FGD6: variants seen among roughly 807,000 people sequenced by gnomAD.
FGD6 encodes the protein FYVE, RhoGEF and PH domain containing 6.
FGD6 carries 90 observed loss-of-function variants against 149.4 expected under a neutral mutation model. The ratio of observed to expected loss-of-function variants is 0.60; its 90% confidence interval spans 0.51 to 0.72. The LOEUF is 0.72. Among genes scored for constraint, FGD6 ranks in the 30% least tolerant of loss-of-function variants. The probability of loss-of-function intolerance (pLI) is 0.00; values close to 1 mark genes in which losing one functional copy is unlikely to be tolerated. For missense variants in FGD6, 1,437 were observed against 1,684.8 expected (o/e 0.85, Z 2.57); for synonymous variants, 527 against 584.0 (o/e 0.90, Z 1.41).
At chr12:95,144,988 C>CTTTTTTTTT (rs34338776) in intron 5 of FGD6, among the ~76,000 whole-genome samples, 6 of 98,832 alleles carry the variant, frequency 6.1e-5, no homozygotes, top group African/African-American at 8.3e-5. Flanking sequence ...CGCACCCGGC[C>CTTTTTTTTT]TTTTTTTTTT....
At chr12:95,141,023 A>C (rs1201722433) in intron 6 of FGD6, among the ~76,000 whole-genome samples, 2 of 152,164 alleles carry the variant, frequency 1.3e-5, no homozygotes, top group African/African-American at 2.4e-5. Flanking sequence ...GGAGTTCGAG[A>C]CCAGCCTGGC....
chr12:95,093,013 G>A (rs999033677), intron 15 of FGD6, among the ~76,000 whole-genome samples, 168 bp from the exon 16 acceptor site: 1 of 152,102 alleles, frequency 6.6e-6, no homozygotes, highest in Non-Finnish European at 1.5e-5. Context: ...ATGAGGTACG[G>A]AGTTTGCGAC....
In FGD6 at chr12:95,217,270, C is replaced by T. The variant is rs1175316465; in HGVS notation, c.-30G>A. The T allele has an allele frequency of 6.2e-7, 1 of 1,601,378 alleles. No individual in the cohort carries two copies. Among genetic ancestry groups the T allele is most frequent in the African/African-American group, 1.3e-5 (1 of 74,496 alleles). ...CCCCGGTGCAGCTCGCTTCCCCGCT[C>T]GGCCCCTCAATCCATCTTCCCCTTT... On this transcript the variant is annotated 5_prime_UTR_variant, in exon 1 of 21. Coordinates refer to ENST00000343958, the MANE Select transcript of FGD6 (RefSeq NM_018351.4).
intron 2 of FGD6, chr12:95,189,777 C>G (rs1337883657): frequency 6.6e-6 from 1 of 152,032 alleles, no homozygotes; most frequent in African/African-American, 2.4e-5. Flanking sequence ...TCAAAAAAAC[C>G]TCCTAACCTA....
chr12:95,173,826 C>T (rs1881058683), intron 2 of FGD6, among the ~76,000 whole-genome samples: 3 of 152,086 alleles, frequency 2.0e-5, no homozygotes, highest in Admixed American at 1.3e-4. Flanking sequence ...CAGCAGGTCA[C>T]AGGCAGGTCA....
intron 3 of FGD6, among the ~76,000 whole-genome samples, chr12:95,171,325 G>C (rs961085240): frequency 1.3e-5 from 2 of 152,090 alleles, no homozygotes; most frequent in Non-Finnish European, 2.9e-5. Flanking sequence ...CGAAATTATG[G>C]CACATGAATT....
chr12:95,180,681 C>T (rs1188090372), intron 2 of FGD6, among the ~76,000 whole-genome samples: 1 of 152,030 alleles, frequency 6.6e-6, no homozygotes, highest in African/African-American at 2.4e-5. Flanking sequence ...TGAGCCACCA[C>T]TCCTGGCTGA....
rs772884200 is a variant in FGD6, at chr12:95,209,484, C to A, written c.1800G>T (p.Lys600Asn). The change falls in exon 2 of 21, where the codon AAG becomes AAT. Residue 600 changes from lysine (K) to asparagine (N), a missense_variant. Lys to Asn is a moderately conservative substitution (Grantham distance 94). Around this residue, in one of 2 missense-constraint regions of FGD6, gnomAD observed 1,055 missense variants for 1,146.0 expected, o/e 0.92. Coordinates refer to ENST00000343958, the MANE Select transcript of FGD6 (RefSeq NM_018351.4). ...SNSEPSTALT[K>N]PRAKSLSAMD... ...TAGCAGATAACGATTTTGCTCTGGG[C>A]TTGGTTAGGGCTGTTGAAGGCTCAC... 12 of 1,612,422 alleles carry A rather than the reference C, an allele frequency of 7.4e-6. No individual in the cohort carries two copies. Among genetic ancestry groups the A allele is most frequent in the Non-Finnish European group, 1.0e-5 (12 of 1,179,390 alleles).
At chr12:95,149,780 T>C (rs983278406) in intron 5 of FGD6, among the ~76,000 whole-genome samples, 4 of 144,438 alleles carry the variant, frequency 2.8e-5, no homozygotes, top group Non-Finnish European at 6.0e-5. Context: ...ATAGTATATA[T>C]AGTATATTAT....
Position 95,080,531 on chromosome 12 carries a change from A to G in FGD6, c.*989T>C, listed in dbSNP as rs1877640519. The G allele has an allele frequency of 6.6e-6, 1 of 152,056 alleles. No individual in the cohort carries two copies. The highest frequency in any genetic ancestry group is 6.6e-5 in the Admixed American group (1 of 15,256). 9.4% of individuals were successfully genotyped at this position (152,056 alleles called of 1,614,324 possible). Reference sequence around the variant, plus strand: ...GCAGAAAAAGACCTTTTGAAAATGAATACTATAGAATTTCAGTTATTACTG... The same window carrying G: ...GCAGAAAAAGACCTTTTGAAAATGAGTACTATAGAATTTCAGTTATTACTG... On this transcript the variant is annotated 3_prime_UTR_variant, in exon 21 of 21. Transcript: ENST00000343958.
chr12:95,099,996 T>G (rs1341391645), intron 14 of FGD6, among the ~76,000 whole-genome samples: 1 of 151,792 alleles, frequency 6.6e-6, no homozygotes, highest in Non-Finnish European at 1.5e-5. Context: ...GTTCCTGCTG[T>G]TCCTTCCATC....
At chr12:95,149,821 TTA>T (rs1341890369) in intron 5 of FGD6, among the ~76,000 whole-genome samples, 1 of 146,316 alleles carries the variant, frequency 6.8e-6, no homozygotes, top group Non-Finnish European at 1.5e-5. Context: ...ATAGTAATCA[TTA>T]TATATAATAT....
intron 3 of FGD6, among the ~76,000 whole-genome samples, chr12:95,170,470 C>T (rs1208124322): frequency 1.3e-5 from 2 of 151,954 alleles, no homozygotes; most frequent in African/African-American, 4.8e-5. Flanking sequence ...AGTGAAACCC[C>T]GTCTCTACTA....
chr12:95,177,341 CTGT>C (rs935453811), intron 2 of FGD6, among the ~76,000 whole-genome samples: 2 of 152,206 alleles, frequency 1.3e-5, no homozygotes, highest in Admixed American at 1.3e-4. Flanking sequence ...AATGGCTTCT[CTGT>C]TGTTGACAAA....
Position 95,077,734 on chromosome 12 carries a change from G to A in FGD6, c.*3786C>T. 1 of 152,238 alleles carries A rather than the reference G, an allele frequency of 6.6e-6. No homozygotes were observed. Among genetic ancestry groups the A allele is most frequent in the East Asian group, 1.9e-4 (1 of 5,196 alleles). The allele number at this position is 152,238 out of a possible 1,614,324, so 9.4% of individuals were successfully genotyped here. Reference sequence around the variant, plus strand: ...AACAGCAGGGCAATGAGGATGGAAAGGATACTTGAGTAATTGCAGAGTCTT... The same window carrying A: ...AACAGCAGGGCAATGAGGATGGAAAAGATACTTGAGTAATTGCAGAGTCTT... On this transcript the variant is annotated 3_prime_UTR_variant, in exon 21 of 21. Transcript: ENST00000343958.
At chr12:95,187,297 C>T (rs1446898628) in intron 2 of FGD6, among the ~76,000 whole-genome samples, 1 of 147,094 alleles carries the variant, frequency 6.8e-6, no homozygotes, top group Admixed American at 6.9e-5. Context: ...TGCCACTGCA[C>T]TCCAGCCTGG....
At chr12:95,086,030 A>G (rs1244693730) in intron 18 of FGD6, 122 bp from the exon 19 acceptor site, 37 of 1,031,430 alleles carry the variant, frequency 3.6e-5, no homozygotes, top group Middle Eastern at 5.6e-4. Flanking sequence ...AGAATGAAAT[A>G]TATTTTCAAA....
rs1173446654 is a variant in FGD6, at chr12:95,082,984, T to TA, written c.4257-1429dup. ...CAACATTGCTAGACTCTGTCTCCAT[T>TA]AAAAAAAAAAAAAAAAAAAAAAAAA... is the stretch of plus-strand genomic sequence containing the variant. On this transcript the variant is annotated intron_variant, in intron 20 of 20. Coordinates refer to ENST00000343958, the MANE Select transcript of FGD6 (RefSeq NM_018351.4). Among the ~76,000 whole-genome samples the TA allele has an allele frequency of 4.0e-3, 124 of 31,134 alleles. 9 individuals are homozygous for TA. The highest frequency in any genetic ancestry group is 5.1e-3 in the Non-Finnish European group (99 of 19,502). 20.4% of individuals were successfully genotyped at this position (31,134 alleles called of 152,430 possible).
At chr12:95,108,615 G>C in intron 9 of FGD6, 54 bp from the exon 10 acceptor site, 1 of 1,597,342 alleles carries the variant, frequency 6.3e-7, no homozygotes, top group Non-Finnish European at 8.6e-7. Context: ...GAAACAAATA[G>C]TTTGCAACAT....
Sources: allele counts gnomAD v4.1 joint callset (sites outside exome capture counted in the v4.1 genomes callset), GRCh38; gene constraint gnomAD v4.1.1; regional missense constraint gnomAD v4.1.1; transcripts MANE v1.5; gene names NCBI Gene and HGNC (gene_info 2026-07-23, HGNC 2026-07-21).